Variants in ROR2 observed in about 807,000 individuals in gnomAD.
ROR2 encodes the protein ROR family WNT receptor 2.
ROR2 carries 33 observed loss-of-function variants against 74.9 expected under a neutral mutation model. The observed-to-expected ratio is 0.44, with a 90% CI of 0.33 to 0.59. The LOEUF (loss-of-function observed/expected upper bound fraction) is 0.59, where lower values mean the gene tolerates loss of function less well. Ranked by LOEUF, ROR2 falls within the 20% of genes least tolerant of loss-of-function variation. The pLI is 0.02. For missense variants in ROR2, 1,216 were observed against 1,313.8 expected (o/e 0.93, Z 1.15); for synonymous variants, 586 against 558.7 (o/e 1.05, Z -0.69).
chr9:91,725,979 G>A (rs979066873), intron 8 of ROR2, among the ~76,000 whole-genome samples: 1 of 152,170 alleles, frequency 6.6e-6, no homozygotes, highest in African/African-American at 2.4e-5. Context: ...TGCAATGAGT[G>A]TAAATGCCCT....
intron 1 of ROR2, among the ~76,000 whole-genome samples, chr9:91,791,119 C>T (rs550423306): frequency 5.3e-5 from 8 of 152,266 alleles, no homozygotes; most frequent in African/African-American, 1.4e-4. Context: ...CATTCACTCA[C>T]GACTCACTCA....
Position 91,757,682 on chromosome 9 carries a change from GGTT to G in ROR2, c.176-126_176-124del, listed in dbSNP as rs1825803937. On this transcript the variant is annotated intron_variant, in intron 2 of 8. Coordinates refer to ENST00000375708, the MANE Select transcript of ROR2 (RefSeq NM_004560.4). The stretch of plus-strand genomic sequence containing the variant: ...TCGATTTTTGTCACCTACTAAAATA[GGTT>G]GTTATCTGCGGTAATTATCTTCTAG... 1.7e-5 allele frequency: 17 copies of G among 1,014,786 alleles called. No individual in the cohort carries two copies. The South Asian group carries it at 2.4e-4, about 14-fold the overall frequency. 62.9% of individuals were successfully genotyped at this position (1,014,786 alleles called of 1,614,324 possible).
chr9:91,814,059 A>T (rs1272283898), intron 1 of ROR2, among the ~76,000 whole-genome samples: 2 of 152,220 alleles, frequency 1.3e-5, no homozygotes, highest in East Asian at 3.8e-4. Flanking sequence ...ATGGTGGCAC[A>T]CACCTGTAGT....
chr9:91,774,125 CTA>C (rs1209316083), intron 2 of ROR2, among the ~76,000 whole-genome samples: 1 of 152,236 alleles, frequency 6.6e-6, no homozygotes, highest in Non-Finnish European at 1.5e-5. Flanking sequence ...CCAACAAAAA[CTA>C]TTTTTCTTCC....
chr9:91,854,515 T>C (rs1744501984), intron 1 of ROR2, among the ~76,000 whole-genome samples: 1 of 152,234 alleles, frequency 6.6e-6, no homozygotes, highest in African/African-American at 2.4e-5. Context: ...GAGGCAGTCA[T>C]TTCATTTTAC....
rs1044336929 is a variant in ROR2 at position 91,823,278 on chromosome 9, A to G, written c.98-47460T>C. Among the ~76,000 whole-genome samples the G allele has an allele frequency of 4.6e-5, 7 of 151,732 alleles. No homozygotes were observed. The East Asian group carries it at 1.2e-3, about 25-fold the overall frequency. Reference sequence around the variant, plus strand: ...TTTCTTAGAGGAGATGGATGCTCACATATTTGGGGCAGGGGCATGTCATGA... The same window carrying G: ...TTTCTTAGAGGAGATGGATGCTCACGTATTTGGGGCAGGGGCATGTCATGA... On this transcript the variant is annotated intron_variant, in intron 1 of 8. Coordinates refer to ENST00000375708, the MANE Select transcript of ROR2 (RefSeq NM_004560.4).
At chr9:91,920,754 G>A (rs1039951454) in intron 1 of ROR2, among the ~76,000 whole-genome samples, 1 of 152,170 alleles carries the variant, frequency 6.6e-6, no homozygotes, top group African/African-American at 2.4e-5. Flanking sequence ...TCAAGCAGAC[G>A]ATATGTTCAG....
At position 91,757,295 on chromosome 9, in the gene ROR2, G is replaced by C. The variant is rs1366524509; in HGVS notation, c.440C>G (p.Thr147Ser). The change falls in exon 3 of 9, where the codon ACT (threonine) becomes AGT (serine). Residue 147 changes from threonine (T) to serine (S), a missense_variant. Coordinates refer to ENST00000375708, the MANE Select transcript of ROR2 (RefSeq NM_004560.4). The part of the protein sequence containing the change: ...ATNGMKTITA[T>S]GVLFVRLGPT... ...ACCCAGCCGCACAAACAGGACGCCA[G>C]TGGCGGTAATGGTCTTCATCCCGTT... 6 of 1,614,088 alleles carry C rather than the reference G, an allele frequency of 3.7e-6. No homozygotes were observed. In the South Asian group the frequency reaches 6.6e-5, roughly 18 times the overall value.
chr9:91,906,575 C>T (rs927409331), intron 1 of ROR2, among the ~76,000 whole-genome samples: 1 of 152,148 alleles, frequency 6.6e-6, no homozygotes, highest in Non-Finnish European at 1.5e-5. Flanking sequence ...TTCATTTCCC[C>T]TTCATTCATG....
At chr9:91,913,899 TGTCCAACACTGTACTTAATGCCACCCA>T (rs1366827170) in intron 1 of ROR2, among the ~76,000 whole-genome samples, 1 of 152,194 alleles carries the variant, frequency 6.6e-6, no homozygotes, top group East Asian at 1.9e-4. Context: ...TTGTGATGGC[TGTCCAACACTGTACTTAATGCCACCCA>T]GTGTACACAC....
intron 1 of ROR2, among the ~76,000 whole-genome samples, chr9:91,842,248 C>T (rs193179805): frequency 6.6e-6 from 1 of 152,336 alleles, no homozygotes; most frequent in Admixed American, 6.5e-5. Context: ...CCCCTAATTA[C>T]TCGAGCATAC....
rs1307922651 is a variant in ROR2, at chr9:91,740,555, CG to C, written c.495-3038del. On this transcript the variant is annotated intron_variant, in intron 4 of 8. Coordinates refer to ENST00000375708, the MANE Select transcript of ROR2 (RefSeq NM_004560.4). ...TGACAAAGCAAGACTCTGTTTCGGG[CG>C]GGGGGGGGAATATATATATGTATAT... is the stretch of plus-strand genomic sequence containing the variant. 1.5e-3 allele frequency among the ~76,000 whole-genome samples: 188 copies of C among 128,718 alleles called. 2 individuals are homozygous for C. The highest frequency in any genetic ancestry group is 4.9e-3 in the African/African-American group (146 of 29,980). The allele number at this position is 128,718 out of a possible 152,430, so 84.4% of individuals were successfully genotyped here. A position where few individuals can be genotyped will look rare whatever the true frequency, so the allele number is the denominator to read the frequency against.
At chr9:91,898,327 T>G (rs760008791) in intron 1 of ROR2, among the ~76,000 whole-genome samples, 9 of 152,154 alleles carry the variant, frequency 5.9e-5, no homozygotes, top group Non-Finnish European at 1.3e-4. Flanking sequence ...TGGCTGGCAC[T>G]GTGCTTAGTG....
intron 2 of ROR2, among the ~76,000 whole-genome samples, chr9:91,764,426 T>C (rs1587697032): frequency 1.3e-5 from 2 of 152,306 alleles, no homozygotes; most frequent in African/African-American, 4.8e-5. Context: ...GATTTTTAAA[T>C]GCTCCATTTT....
intron 1 of ROR2, among the ~76,000 whole-genome samples, chr9:91,868,108 G>A (rs1829695198): frequency 6.6e-6 from 1 of 151,972 alleles, no homozygotes; most frequent in Non-Finnish European, 1.5e-5. Context: ...TATAAAAATT[G>A]CCAACAAGTA....
intron 1 of ROR2, among the ~76,000 whole-genome samples, chr9:91,944,604 T>C (rs113312571): frequency 0.011 from 1,720 of 152,196 alleles, 36 homozygotes; most frequent in African/African-American, 0.038. Context: ...AAAAACACAA[T>C]TCCAATTACA....
At chr9:91,830,952 T>C (rs1828450645) in intron 1 of ROR2, among the ~76,000 whole-genome samples, 1 of 151,994 alleles carries the variant, frequency 6.6e-6, no homozygotes, top group African/African-American at 2.4e-5. Flanking sequence ...ACACACTTTC[T>C]ATGATTTCAA....
chr9:91,932,965 T>TGCC (rs1387850539), intron 1 of ROR2, among the ~76,000 whole-genome samples: 1 of 152,194 alleles, frequency 6.6e-6, no homozygotes, highest in Non-Finnish European at 1.5e-5. Flanking sequence ...AATAAATTGC[T>TGCC]GCCACCTTCT....
chr9:91,939,938 G>A (rs760529331), intron 1 of ROR2, among the ~76,000 whole-genome samples: 4 of 152,158 alleles, frequency 2.6e-5, no homozygotes, highest in Non-Finnish European at 4.4e-5. Context: ...GATGCCTCGT[G>A]GCCTGAATCT....
Sources: allele counts gnomAD v4.1 joint callset (sites outside exome capture counted in the v4.1 genomes callset), GRCh38; gene constraint gnomAD v4.1.1; transcripts MANE v1.5; gene names NCBI Gene and HGNC (gene_info 2026-07-23, HGNC 2026-07-21).